Variants in TPD52L2 observed in about 807,000 individuals in gnomAD.
TPD52L2 encodes the protein TPD52 like 2.
In TPD52L2, 19 loss-of-function variants were observed where a neutral mutation model predicts 24.7. The observed-to-expected ratio is 0.77, with a 90% CI of 0.54 to 1.13. TPD52L2 has a LOEUF of 1.13. Ranked by LOEUF, TPD52L2 falls within the 50% of genes most tolerant of loss-of-function variation. The pLI, the probability that TPD52L2 is intolerant of heterozygous loss-of-function variation, is 0.00. For synonymous variants in TPD52L2, 104 were observed against 100.2 expected (o/e 1.04, Z -0.23); for missense variants, 236 against 250.4 (o/e 0.94, Z 0.39).
intron 2 of TPD52L2, among the ~76,000 whole-genome samples, 163 bp from the exon 3 acceptor site, chr20:63,873,505 A>G (rs1237582837): frequency 6.6e-6 from 1 of 151,784 alleles, no homozygotes; most frequent in South Asian, 2.1e-4. Context: ...AAAAAAAACC[A>G]AAACCCAAAA....
chr20:63,865,877 T>C (rs1376766087), intron 1 of TPD52L2, among the ~76,000 whole-genome samples: 1 of 152,180 alleles, frequency 6.6e-6, no homozygotes, highest in African/African-American at 2.4e-5. Flanking sequence ...GCAACTCTGC[T>C]CGGAGCTCAG....
chr20:63,890,845 C>T lies in TPD52L2; in HGVS notation c.*900C>T, dbSNP rs2053297449. 1 of 152,452 alleles carries T rather than the reference C, an allele frequency of 6.6e-6. No individual in the cohort carries two copies. Among genetic ancestry groups the T allele is most frequent in the Non-Finnish European group, 1.5e-5 (1 of 68,086 alleles). 9.4% of individuals were successfully genotyped at this position (152,452 alleles called of 1,614,324 possible). On this transcript the variant is annotated 3_prime_UTR_variant, in exon 7 of 7. Coordinates refer to ENST00000346249, the MANE Select transcript of TPD52L2 (RefSeq NM_003288.4). Reference sequence around the variant, plus strand: ...GGCTCCTATGCCCTGCCCTAAAGGGCTCTTGAGCCTCTGGGAATGGGAGGG... The same window carrying T: ...GGCTCCTATGCCCTGCCCTAAAGGGTTCTTGAGCCTCTGGGAATGGGAGGG...
At chr20:63,869,590 CTT>C (rs1374158093) in intron 2 of TPD52L2, 149 bp downstream of exon 2, 1 of 988,350 alleles carries the variant, frequency 1.0e-6, no homozygotes, top group South Asian at 1.6e-5. Context: ...ACGGGGTTCT[CTT>C]TGTATGTGCC....
chr20:63,873,563 T>C (rs1051197842), intron 2 of TPD52L2, 105 bp from the exon 3 acceptor site: 63 of 1,329,594 alleles, frequency 4.7e-5, no homozygotes, highest in Non-Finnish European at 2.0e-6. Flanking sequence ...GAGTTAATGC[T>C]TTGGTAAGCG....
intron 4 of TPD52L2, among the ~76,000 whole-genome samples, chr20:63,882,129 G>A (rs1447217618): frequency 6.6e-6 from 1 of 152,256 alleles, no homozygotes; most frequent in Non-Finnish European, 1.5e-5. Context: ...GCCGTCTGGA[G>A]CAGGGGCACC....
At chr20:63,881,671 G>A (rs2052905399) in intron 4 of TPD52L2, among the ~76,000 whole-genome samples, 2 of 152,228 alleles carry the variant, frequency 1.3e-5, no homozygotes, top group African/African-American at 4.8e-5. Flanking sequence ...GGCTGGGTTT[G>A]CCAGCTCTCC....
intron 1 of TPD52L2, among the ~76,000 whole-genome samples, chr20:63,868,738 A>T (rs1249564203): frequency 6.6e-6 from 1 of 152,184 alleles, no homozygotes; most frequent in Non-Finnish European, 1.5e-5. Context: ...GAGGTCGGGA[A>T]TTGGAGACCA....
chr20:63,867,875 T>G lies in TPD52L2; in HGVS notation c.20-1421T>G, dbSNP rs1261037242. On this transcript the variant is annotated intron_variant, in intron 1 of 6. Coordinates refer to ENST00000346249, the MANE Select transcript of TPD52L2 (RefSeq NM_003288.4). ...CTGGTCTTGAACTCCTGACCTCAGG[T>G]GATCCGCCCGCCTCAGCCTCCCAAA... Among the ~76,000 whole-genome samples, 7 of 150,672 alleles carry G rather than the reference T, an allele frequency of 4.6e-5. 1 individual carries two copies. In the East Asian group the frequency reaches 1.4e-3, roughly 29 times the overall value.
chr20:63,887,675 G>A lies in TPD52L2; in HGVS notation c.477-1515G>A, dbSNP rs961619311. On this transcript the variant is annotated intron_variant, in intron 5 of 6. Coordinates refer to ENST00000346249, the MANE Select transcript of TPD52L2 (RefSeq NM_003288.4). ...GGTGGGGGTTGGGGCAGCTCCCGCCGGTTACACCTTGCCCTTCCCATATTC... is the reference window on the plus strand; with the variant it reads ...GGTGGGGGTTGGGGCAGCTCCCGCCAGTTACACCTTGCCCTTCCCATATTC... The A allele has an allele frequency of 6.4e-5, 94 of 1,464,560 alleles. 1 individual carries two copies. The highest frequency in any genetic ancestry group is 6.2e-5 in the Non-Finnish European group (65 of 1,054,848). The allele number at this position is 1,464,560 out of a possible 1,614,324, so 90.7% of individuals were successfully genotyped here.
intron 5 of TPD52L2, chr20:63,887,372 C>T: frequency 1.4e-6 from 1 of 726,690 alleles, no homozygotes; most frequent in East Asian, 2.5e-5. Flanking sequence ...TTGGGGTGCC[C>T]CCCATGAGGC....
chr20:63,869,899 A>G (rs2052396172), intron 2 of TPD52L2, among the ~76,000 whole-genome samples: 1 of 152,204 alleles, frequency 6.6e-6, no homozygotes, highest in South Asian at 2.1e-4. Context: ...ACAGGGTGGT[A>G]AGGTGGGAAG....
At chr20:63,866,122 T>G (rs1600770646) in intron 1 of TPD52L2, among the ~76,000 whole-genome samples, 1 of 152,344 alleles carries the variant, frequency 6.6e-6, no homozygotes, top group Middle Eastern at 3.4e-3. Context: ...CTTTATTTTT[T>G]TGAGACGGAG....
chr20:63,876,810 C>T (rs1459430835), intron 4 of TPD52L2: 1 of 455,604 alleles, frequency 2.2e-6, no homozygotes, highest in Admixed American at 2.4e-5. Context: ...GGCATGTTGC[C>T]CCGGGTATTC....
chr20:63,886,562 C>T lies in TPD52L2; in HGVS notation c.477-2628C>T, dbSNP rs571352701. ...ATTTTTAGTAGAGACGGGGTTTCACCGTGGTCTCGATCTCCCGACCTCGTG... is the reference window on the plus strand; with the variant it reads ...ATTTTTAGTAGAGACGGGGTTTCACTGTGGTCTCGATCTCCCGACCTCGTG... On this transcript the variant is annotated intron_variant, in intron 5 of 6. Transcript: ENST00000346249. Among the ~76,000 whole-genome samples, 264 of 152,010 alleles carry T rather than the reference C, an allele frequency of 1.7e-3. 2 individuals are homozygous for T. The highest frequency in any genetic ancestry group is 0.012 in the South Asian group (57 of 4,822).
rs964223823 is a variant in TPD52L2 at position 63,877,639 on chromosome 20, T to G, written c.374+1764T>G. 3.9e-5 allele frequency among the ~76,000 whole-genome samples: 6 copies of G among 152,242 alleles called. No individual in the cohort carries two copies. Among genetic ancestry groups the G allele is most frequent in the African/African-American group, 1.4e-4 (6 of 41,458 alleles). Reference sequence around the variant, plus strand: ...AGTCTTAGGAGACTTCAGTGCTGTTTTGTAAAACCAACTGACATAAAGCTG... The same window carrying G: ...AGTCTTAGGAGACTTCAGTGCTGTTGTGTAAAACCAACTGACATAAAGCTG... On this transcript the variant is annotated intron_variant, in intron 4 of 6. Transcript: ENST00000346249. This position sits in a 1 kb window ranked among gnomAD's most constrained non-coding sequence, Gnocchi z 4.1.
At chr20:63,868,007 G>A (rs1424340914) in intron 1 of TPD52L2, among the ~76,000 whole-genome samples, 6 of 151,068 alleles carry the variant, frequency 4.0e-5, no homozygotes, top group Non-Finnish European at 7.4e-5. Flanking sequence ...GTAATCTCCC[G>A]GGTTCAAGTG....
At chr20:63,866,746 A>G (rs905763309) in intron 1 of TPD52L2, among the ~76,000 whole-genome samples, 1 of 141,024 alleles carries the variant, frequency 7.1e-6, no homozygotes, top group Non-Finnish European at 1.5e-5. Context: ...GGCGTGAGCC[A>G]CCGCGCCTGG....
At chr20:63,869,731 AGC>A (rs1345458770) in intron 2 of TPD52L2, among the ~76,000 whole-genome samples, 9 of 152,246 alleles carry the variant, frequency 5.9e-5, no homozygotes, top group Admixed American at 5.9e-4. Flanking sequence ...GCCTCTGAGC[AGC>A]CATCTGCTGG....
At chr20:63,883,207 G>A (rs981984481) in intron 5 of TPD52L2, among the ~76,000 whole-genome samples, 4 of 152,296 alleles carry the variant, frequency 2.6e-5, no homozygotes, top group African/African-American at 7.2e-5. Flanking sequence ...GGGGCTCGGC[G>A]TGGTACTTCC....
Sources: gnomAD v4.1 joint callset for allele counts (sites outside exome capture counted in the v4.1 genomes callset) on GRCh38, gnomAD v4.1.1 for gene constraint, Gnocchi (gnomAD v3.1) non-coding constraint, MANE v1.5 for transcripts, NCBI Gene and HGNC (gene_info 2026-07-23, HGNC 2026-07-21) for gene names.